PRKAR1B: variants seen among roughly 807,000 people sequenced by gnomAD.
The protein encoded by PRKAR1B is cAMP-dependent protein kinase type I-beta regulatory subunit.
Under a neutral mutation model 46.5 loss-of-function variants are expected in PRKAR1B, and 22 were observed. The observed-to-expected ratio is 0.47, with a 90% confidence interval of 0.34 to 0.68. The LOEUF (loss-of-function observed/expected upper bound fraction) is 0.68. PRKAR1B is among the 30% of genes least tolerant of loss of function. PRKAR1B has a pLI of 0.01. For missense variants in PRKAR1B, 445 were observed against 535.6 expected (o/e 0.83, Z 1.67); for synonymous variants, 259 against 217.7 (o/e 1.19, Z -1.67).
At chr7:605,261 G>GC (rs1164843097) in intron 6 of PRKAR1B, among the ~76,000 whole-genome samples, 1 of 152,228 alleles carries the variant, frequency 6.6e-6, no homozygotes, top group Non-Finnish European at 1.5e-5. Context: ...AGGGGCTCGG[G>GC]CCTGATTCAA....
Position 631,777 on chromosome 7 carries a change from C to A in PRKAR1B, c.441-24325G>T, listed in dbSNP as rs914245889. Among the ~76,000 whole-genome samples the A allele has an allele frequency of 2.6e-5, 4 of 151,804 alleles. No homozygotes were observed. The East Asian group carries it at 5.8e-4, about 22-fold the overall frequency. On this transcript the variant is annotated intron_variant, in intron 4 of 10. Transcript: ENST00000537384. ...GACCAGCCTGGCCAACATAGAGAGACCCCCATCTCTAAAAAAAAAAAAATT... is the reference window on the plus strand; with the variant it reads ...GACCAGCCTGGCCAACATAGAGAGAACCCCATCTCTAAAAAAAAAAAAATT...
chr7:622,345 G>A (rs560304535), intron 4 of PRKAR1B, among the ~76,000 whole-genome samples: 11 of 152,320 alleles, frequency 7.2e-5, no homozygotes, highest in Middle Eastern at 3.4e-3. Context: ...AGGGCCTCCC[G>A]CTCACTCCTC....
chr7:692,907 A>G (rs576285580), intron 2 of PRKAR1B, among the ~76,000 whole-genome samples: 1 of 152,004 alleles, frequency 6.6e-6, no homozygotes, highest in African/African-American at 2.4e-5. Flanking sequence ...GGGGGCTGAG[A>G]AGAGGAGTTT....
chr7:682,077 GA>G (rs1376997430), intron 2 of PRKAR1B, among the ~76,000 whole-genome samples: 6 of 152,124 alleles, frequency 3.9e-5, no homozygotes. Context: ...AGGGAGCAGG[GA>G]GGAGGGAGAG....
chr7:691,759 A>G (rs1406288671), intron 2 of PRKAR1B: 1 of 1,209,208 alleles, frequency 8.3e-7, no homozygotes, highest in Non-Finnish European at 1.1e-6. Flanking sequence ...GGGATGGACC[A>G]CAGGGCTCTA....
At chr7:586,245 A>C (rs13225240) in intron 7 of PRKAR1B, among the ~76,000 whole-genome samples, 95,996 of 151,834 alleles carry the variant, frequency 0.63, 31,194 homozygotes, top group East Asian at 0.84. Context: ...CCTGGCATGG[A>C]GGCAGCCGGC....
At chr7:617,786 G>C (rs1388613756) in intron 4 of PRKAR1B, among the ~76,000 whole-genome samples, 1 of 152,208 alleles carries the variant, frequency 6.6e-6, no homozygotes, top group African/African-American at 2.4e-5. Flanking sequence ...CAGAGCCCAG[G>C]ACGTGGCAGG....
chr7:573,413 C>T (rs1779638167), intron 9 of PRKAR1B, among the ~76,000 whole-genome samples: 1 of 152,050 alleles, frequency 6.6e-6, no homozygotes, highest in Non-Finnish European at 1.5e-5. Context: ...CACCAGCAGG[C>T]CCCTCCCCAC....
intron 8 of PRKAR1B, among the ~76,000 whole-genome samples, chr7:583,668 C>G (rs1196432615): frequency 7.5e-6 from 1 of 133,434 alleles, no homozygotes; most frequent in African/African-American, 3.1e-5. Flanking sequence ...GCGCACACAC[C>G]CACACACAAC....
rs992683667 is a variant in PRKAR1B at position 673,045 on chromosome 7, TA to T, written c.440+4183del. On this transcript the variant is annotated intron_variant, in intron 4 of 10. Coordinates refer to ENST00000537384, the MANE Select transcript of PRKAR1B (RefSeq NM_001164760.2). ...GGGTGAGAGAGTAAGGCCTTGTCTT[TA>T]AAAAAAAAAAAAAAAAAAAAAAAAA... 9.1e-3 allele frequency among the ~76,000 whole-genome samples: 242 copies of T among 26,476 alleles called. 1 individual carries two copies. Among genetic ancestry groups the T allele is most frequent in the African/African-American group, 0.028 (193 of 6,786 alleles). 17.4% of individuals were successfully genotyped at this position (26,476 alleles called of 152,430 possible).
At chr7:711,173 C>T (rs1280943922) in intron 2 of PRKAR1B, among the ~76,000 whole-genome samples, 156 bp downstream of exon 2, 1 of 152,166 alleles carries the variant, frequency 6.6e-6, no homozygotes, top group African/African-American at 2.4e-5. Flanking sequence ...AGGTCGGCCT[C>T]TCTCCCCGCG....
intron 2 of PRKAR1B, among the ~76,000 whole-genome samples, chr7:681,304 C>T (rs1171497747): frequency 2.8e-5 from 4 of 143,016 alleles, no homozygotes; most frequent in Non-Finnish European, 6.0e-5. Flanking sequence ...TGAAAATGGA[C>T]TAATACACCC....
chr7:577,115 G>GCCATCAGCGGCCCCGTCCAACT (rs1282425046), intron 9 of PRKAR1B, among the ~76,000 whole-genome samples: 7 of 151,470 alleles, frequency 4.6e-5, no homozygotes, highest in Non-Finnish European at 8.8e-5. Flanking sequence ...CTCGTCCAAC[G>GCCATCAGCGGCCCCGTCCAACT]CCATCAGCGG....
intron 9 of PRKAR1B, among the ~76,000 whole-genome samples, chr7:551,756 C>T (rs560152503): frequency 1.1e-4 from 16 of 145,866 alleles, no homozygotes; most frequent in African/African-American, 4.1e-4. Flanking sequence ...CAAACCCCCA[C>T]CTCCCGCCCG....
chr7:551,249 C>T (rs1784173525), intron 10 of PRKAR1B, 140 bp downstream of exon 10: 9 of 791,082 alleles, frequency 1.1e-5, no homozygotes, highest in South Asian at 7.1e-5. Context: ...CCTTCTGTTG[C>T]AGCCACACTG....
At chr7:570,257 A>C (rs558180763) in intron 9 of PRKAR1B, among the ~76,000 whole-genome samples, 1 of 152,274 alleles carries the variant, frequency 6.6e-6, no homozygotes, top group African/African-American at 2.4e-5. Context: ...CAGGGCCCTG[A>C]GGCCAAGGGT....
rs148518780 is a variant in PRKAR1B at position 677,776 on chromosome 7, G to A, written c.349-456C>T. On this transcript the variant is annotated intron_variant, in intron 3 of 10. Coordinates refer to ENST00000537384, the MANE Select transcript of PRKAR1B (RefSeq NM_001164760.2). ...ACGTGTCACGTAATGATGGGGAAGCGTTCTGAGAAATTCATCATGAGGCAA... is the reference window on the plus strand; with the variant it reads ...ACGTGTCACGTAATGATGGGGAAGCATTCTGAGAAATTCATCATGAGGCAA... Among the ~76,000 whole-genome samples, 176 of 152,244 alleles carry A rather than the reference G, an allele frequency of 1.2e-3. 1 individual carries two copies. The highest frequency in any genetic ancestry group is 3.9e-3 in the African/African-American group (162 of 41,556).
At chr7:664,795 C>A (rs772725244) in intron 4 of PRKAR1B, among the ~76,000 whole-genome samples, 3 of 151,766 alleles carry the variant, frequency 2.0e-5, no homozygotes, top group Non-Finnish European at 4.4e-5. Context: ...ACGCCTGTGG[C>A]CCCAGCTAGT....
intron 2 of PRKAR1B, among the ~76,000 whole-genome samples, chr7:707,010 C>G (rs1010449905): frequency 6.6e-6 from 1 of 152,218 alleles, no homozygotes; most frequent in Non-Finnish European, 1.5e-5. Context: ...GCCGCCCTAC[C>G]CAGAGGCACA....
Sources: allele counts gnomAD v4.1 joint callset (sites outside exome capture counted in the v4.1 genomes callset), GRCh38; gene constraint gnomAD v4.1.1; transcripts MANE v1.5; gene names NCBI Gene and HGNC (gene_info 2026-07-23, HGNC 2026-07-21).